The following ABCA13 variants were observed in gnomAD, a reference collection of about 807,000 sequenced individuals.
ABCA13 encodes ATP-binding cassette sub-family A member 13.
A neutral mutation model predicts 478.7 loss-of-function variants in ABCA13; 476 were observed. That is an observed-to-expected ratio of 0.99 (90% CI 0.92 to 1.07). ABCA13 has a LOEUF of 1.07. Ranked by LOEUF, ABCA13 falls within the 50% of genes least tolerant of loss-of-function variation. The pLI is 0.00. For synonymous variants in ABCA13, 2,252 were observed against 2,158.9 expected (o/e 1.04, Z -1.20); for missense variants, 6,060 against 5,910.6 (o/e 1.03, Z -0.83).
intron 1 of ABCA13, among the ~76,000 whole-genome samples, chr7:48,187,127 C>T (rs940406528): frequency 6.7e-6 from 1 of 149,418 alleles, no homozygotes; most frequent in Non-Finnish European, 1.5e-5. Flanking sequence ...TGTTTAAAGG[C>T]CATTTAGCTG....
chr7:48,384,111 T>A (rs1026510721), intron 35 of ABCA13, among the ~76,000 whole-genome samples: 4 of 152,210 alleles, frequency 2.6e-5, no homozygotes, highest in African/African-American at 9.6e-5. Context: ...GGCATCTGGA[T>A]CCCATTGCCT....
chr7:48,388,484 C>CTGCAGG (rs1307359248), intron 36 of ABCA13, among the ~76,000 whole-genome samples: 1 of 152,188 alleles, frequency 6.6e-6, no homozygotes, highest in Non-Finnish European at 1.5e-5. Context: ...TGGCCTGTTC[C>CTGCAGG]TGCAGGTGCA....
chr7:48,515,743 C>T (rs533195238), intron 51 of ABCA13, among the ~76,000 whole-genome samples: 43 of 152,266 alleles, frequency 2.8e-4, no homozygotes, highest in African/African-American at 9.9e-4. Flanking sequence ...ACCCCCTGTG[C>T]AGTGGATGCT....
chr7:48,231,368 C>T (rs1040265163), intron 7 of ABCA13, among the ~76,000 whole-genome samples: 2 of 152,080 alleles, frequency 1.3e-5, no homozygotes, highest in African/African-American at 4.8e-5. Context: ...GATGAGGGAG[C>T]ATTTCCAGGA....
intron 1 of ABCA13, among the ~76,000 whole-genome samples, chr7:48,175,255 GATA>G (rs1794682271): frequency 1.3e-5 from 2 of 151,966 alleles, no homozygotes; most frequent in African/African-American, 4.8e-5. Context: ...TAAATTGACA[GATA>G]ATAATTGCAC....
chr7:48,223,479 C>T (rs2128972789), intron 5 of ABCA13, among the ~76,000 whole-genome samples: 1 of 152,022 alleles, frequency 6.6e-6, no homozygotes, highest in East Asian at 1.9e-4. Flanking sequence ...TTGTGGAAGC[C>T]CAGGAAGGCA....
chr7:48,234,317 G>T, intron 8 of ABCA13, 166 bp downstream of exon 8: 1 of 828,822 alleles, frequency 1.2e-6, no homozygotes, highest in Non-Finnish European at 2.0e-6. Context: ...ACTGTCTCCA[G>T]CTTTTCTAGA....
intron 24 of ABCA13, among the ~76,000 whole-genome samples, chr7:48,312,649 A>C (rs1400718979): frequency 6.6e-6 from 1 of 152,240 alleles, no homozygotes; most frequent in Non-Finnish European, 1.5e-5. Flanking sequence ...CACATCCCCA[A>C]GGTATTAGGA....
At chr7:48,630,494 G>C (rs1472049809) in intron 59 of ABCA13, among the ~76,000 whole-genome samples, 1 of 152,116 alleles carries the variant, frequency 6.6e-6, no homozygotes, top group East Asian at 1.9e-4. Context: ...ACACGATCTT[G>C]TTCTTTTTTA....
intron 58 of ABCA13, among the ~76,000 whole-genome samples, chr7:48,610,678 TAGGTGGAGGCTCCTA>T (rs1791940972): frequency 6.6e-6 from 1 of 152,228 alleles, no homozygotes; most frequent in South Asian, 2.1e-4. Flanking sequence ...CTCTGAAATC[TAGGTGGAGGCTCCTA>T]AGCCTCAACT....
At chr7:48,485,546 A>T (rs1829208849) in intron 47 of ABCA13, among the ~76,000 whole-genome samples, 1 of 152,234 alleles carries the variant, frequency 6.6e-6, no homozygotes, top group Non-Finnish European at 1.5e-5. Flanking sequence ...TGCATTTATT[A>T]CTTAAAGAAT....
chr7:48,179,031 G>T (rs1283832702), intron 1 of ABCA13, among the ~76,000 whole-genome samples: 1 of 149,544 alleles, frequency 6.7e-6, no homozygotes, highest in Admixed American at 6.7e-5. Flanking sequence ...TAAAAACAAA[G>T]ACTTACTTTC....
intron 20 of ABCA13, among the ~76,000 whole-genome samples, chr7:48,294,915 G>A (rs1211760256): frequency 7.2e-5 from 11 of 152,102 alleles, no homozygotes; most frequent in Non-Finnish European, 1.5e-5. Flanking sequence ...ATATTTTATT[G>A]TATATAATGT....
chr7:48,229,126 G>A (rs1474929239), intron 6 of ABCA13, among the ~76,000 whole-genome samples: 2 of 152,112 alleles, frequency 1.3e-5, no homozygotes, highest in Non-Finnish European at 2.9e-5. Context: ...TGGAAGCACA[G>A]CTTATGATTG....
chr7:48,502,454 T>C (rs888640294), intron 48 of ABCA13, among the ~76,000 whole-genome samples: 2 of 152,208 alleles, frequency 1.3e-5, no homozygotes, highest in Non-Finnish European at 2.9e-5. Context: ...CTTGGTAGTT[T>C]AATATTTTAT....
rs144428201 is a variant in ABCA13, at chr7:48,317,885, T to C, written c.9999+589T>C. Among the ~76,000 whole-genome samples the C allele has an allele frequency of 2.0e-5, 3 of 152,330 alleles. No homozygotes were observed. In the East Asian group the frequency reaches 5.8e-4, roughly 29 times the overall value. On this transcript the variant is annotated intron_variant, in intron 27 of 61. Coordinates refer to ENST00000435803, the MANE Select transcript of ABCA13 (RefSeq NM_152701.5). ...CATTGTTTAACCTCTCTAATCTATTTACTGCAGGATTTGTTATTATTAATA... is the reference window on the plus strand; with the variant it reads ...CATTGTTTAACCTCTCTAATCTATTCACTGCAGGATTTGTTATTATTAATA...
chr7:48,550,289 C>T (rs1785193663), intron 55 of ABCA13, among the ~76,000 whole-genome samples: 2 of 137,356 alleles, frequency 1.5e-5, no homozygotes, highest in South Asian at 2.2e-4. Context: ...TGGAGTCTCG[C>T]TCTGTTGCCC....
chr7:48,509,878 C>G (rs1441750071), intron 50 of ABCA13, among the ~76,000 whole-genome samples: 2 of 152,180 alleles, frequency 1.3e-5, no homozygotes, highest in Admixed American at 6.5e-5. Flanking sequence ...GTAAAAGAGG[C>G]CGCAGAGAGC....
intron 48 of ABCA13, among the ~76,000 whole-genome samples, chr7:48,491,769 T>C (rs1208992917): frequency 2.0e-5 from 3 of 152,274 alleles, no homozygotes; most frequent in Non-Finnish European, 4.4e-5. Flanking sequence ...AAATATTTCA[T>C]CACATCCCTT....
Sources: gnomAD v4.1 joint callset for allele counts (sites outside exome capture counted in the v4.1 genomes callset) on GRCh38, gnomAD v4.1.1 for gene constraint, MANE v1.5 for transcripts, NCBI Gene and HGNC (gene_info 2026-07-23, HGNC 2026-07-21) for gene names.